Variants in KANK1 observed in about 807,000 individuals in gnomAD.
KANK1 encodes KN motif and ankyrin repeat domains 1, also known as KN motif and ankyrin repeat domain-containing protein 1.
A neutral mutation model predicts 106.2 loss-of-function variants in KANK1; 109 were observed. That is an observed-to-expected ratio of 1.03 (90% CI 0.88 to 1.20). KANK1 has a LOEUF of 1.20. Among genes scored for constraint, KANK1 ranks in the 50% most tolerant of loss-of-function variants. The pLI is 0.00. For missense variants in KANK1, 2,399 were observed against 1,710.7 expected (o/e 1.40, Z -7.10); for synonymous variants, 873 against 652.2 (o/e 1.34, Z -5.16).
At chr9:652,266 A>G (rs1350370128) in intron 1 of KANK1, among the ~76,000 whole-genome samples, 1 of 152,170 alleles carries the variant, frequency 6.6e-6, no homozygotes, top group Non-Finnish European at 1.5e-5. Context: ...TACTCCTGTA[A>G]TCCCAGCACT....
chr9:509,427 T>C lies in KANK1; in HGVS notation c.-84+4673T>C, dbSNP rs780786877. Among the ~76,000 whole-genome samples, 52 of 152,238 alleles carry C rather than the reference T, an allele frequency of 3.4e-4. 1 individual carries two copies. The highest frequency in any genetic ancestry group is 6.5e-4 in the Admixed American group (10 of 15,288). On this transcript the variant is annotated intron_variant, in intron 1 of 11. Coordinates refer to ENST00000382297, the MANE Select transcript of KANK1 (RefSeq NM_015158.5). ...TATTTACCCCATCCTAGCAGACTAA[T>C]TATTTGTTGTCTTCACTTCCAGTGC...
chr9:515,141 A>G (rs1163468292), intron 1 of KANK1, among the ~76,000 whole-genome samples: 1 of 151,672 alleles, frequency 6.6e-6, no homozygotes, highest in Non-Finnish European at 1.5e-5. Context: ...CAGGAGATCA[A>G]GACCATCCTG....
intron 1 of KANK1, among the ~76,000 whole-genome samples, chr9:615,923 G>A (rs145093650): frequency 2.1e-4 from 32 of 152,250 alleles, no homozygotes; most frequent in Non-Finnish European, 4.1e-4. Context: ...CAAAGGTGGT[G>A]CCAGCTGATA....
At chr9:697,739 C>T (rs534627264) in intron 2 of KANK1, among the ~76,000 whole-genome samples, 11 of 152,126 alleles carry the variant, frequency 7.2e-5, no homozygotes, top group Non-Finnish European at 1.6e-4. Context: ...TTGTTACTAT[C>T]ATTAATCATA....
intron 1 of KANK1, among the ~76,000 whole-genome samples, chr9:661,300 G>T (rs1296566603): frequency 6.8e-6 from 1 of 147,592 alleles, no homozygotes; most frequent in Non-Finnish European, 1.5e-5. Context: ...ACAGGCCCCA[G>T]TGTGTGATGT....
rs936037856 is a variant in KANK1 at position 597,115 on chromosome 9, C to G, written c.-83-79775C>G. On this transcript the variant is annotated intron_variant, in intron 1 of 11. Coordinates refer to ENST00000382297, the MANE Select transcript of KANK1 (RefSeq NM_015158.5). Reference sequence around the variant, plus strand: ...TACGGATATATCATAATTTGTTTATCCATTCATCTGTTGATAGATTTTTGA... The same window carrying G: ...TACGGATATATCATAATTTGTTTATGCATTCATCTGTTGATAGATTTTTGA... Among the ~76,000 whole-genome samples, 3 of 151,916 alleles carry G rather than the reference C, an allele frequency of 2.0e-5. No homozygotes were observed. The East Asian group carries it at 5.8e-4, about 29-fold the overall frequency.
At chr9:608,658 C>G (rs937604819) in intron 1 of KANK1, among the ~76,000 whole-genome samples, 3 of 149,114 alleles carry the variant, frequency 2.0e-5, no homozygotes, top group East Asian at 1.9e-4. Flanking sequence ...GTCAGTCTGT[C>G]TTTCATCAAG....
At chr9:516,800 A>G (rs1040790236) in intron 1 of KANK1, among the ~76,000 whole-genome samples, 7 of 151,638 alleles carry the variant, frequency 4.6e-5, no homozygotes, top group Admixed American at 1.3e-4. Flanking sequence ...GCATGAAGCT[A>G]TTGATTCACT....
chr9:681,745 A>G (rs898923160), intron 2 of KANK1, among the ~76,000 whole-genome samples: 3 of 152,150 alleles, frequency 2.0e-5, no homozygotes, highest in Non-Finnish European at 2.9e-5. Flanking sequence ...GCTGGACGCC[A>G]TGATATTGGG....
intron 1 of KANK1, among the ~76,000 whole-genome samples, chr9:570,076 GTTTT>G (rs1386108163): frequency 2.0e-5 from 3 of 151,980 alleles, no homozygotes; most frequent in African/African-American, 7.2e-5. Context: ...CTTGTATTGG[GTTTT>G]TTGTTTGTTT....
chr9:536,061 G>T (rs573614120), intron 1 of KANK1, among the ~76,000 whole-genome samples: 1 of 144,598 alleles, frequency 6.9e-6, no homozygotes, highest in South Asian at 2.3e-4. Context: ...GCACGTGTGG[G>T]GCGCGGTGGC....
At chr9:542,095 A>C (rs2060638199) in intron 1 of KANK1, among the ~76,000 whole-genome samples, 1 of 152,212 alleles carries the variant, frequency 6.6e-6, no homozygotes. Flanking sequence ...TCTCAAAAAA[A>C]AAAAATGAAC....
At chr9:624,665 T>C (rs1833929382) in intron 1 of KANK1, among the ~76,000 whole-genome samples, 1 of 151,922 alleles carries the variant, frequency 6.6e-6, no homozygotes, top group Non-Finnish European at 1.5e-5. Flanking sequence ...TAGTCGGGCG[T>C]AGTCATTCCT....
At chr9:741,850 C>T (rs1254164481) in intron 9 of KANK1, among the ~76,000 whole-genome samples, 2 of 151,188 alleles carry the variant, frequency 1.3e-5, no homozygotes, top group Non-Finnish European at 3.0e-5. Flanking sequence ...AACTCCTGAG[C>T]TCAGACAATC....
chr9:684,892 C>T (rs1377616995), intron 2 of KANK1, among the ~76,000 whole-genome samples: 1 of 148,200 alleles, frequency 6.7e-6, no homozygotes, highest in African/African-American at 2.6e-5. Context: ...TAAGTTCTTG[C>T]TCTTTCCTGA....
intron 1 of KANK1, among the ~76,000 whole-genome samples, chr9:593,480 T>G (rs1338579535): frequency 6.7e-6 from 1 of 149,580 alleles, no homozygotes; most frequent in African/African-American, 2.5e-5. Flanking sequence ...GCATTTTTTT[T>G]TTTGACTAAT....
chr9:539,994 G>A (rs1157430978), intron 1 of KANK1, among the ~76,000 whole-genome samples: 1 of 152,200 alleles, frequency 6.6e-6, no homozygotes. Context: ...CAGAGACAGA[G>A]TAACTTCTTG....
intron 3 of KANK1, among the ~76,000 whole-genome samples, chr9:491,010 C>A (rs111308194): frequency 0.02 from 2,717 of 132,842 alleles, 99 homozygotes; most frequent in African/African-American, 0.074. Flanking sequence ...CCTAGGCTGG[C>A]GTGCAGTGGT....
chr9:551,713 T>A lies in KANK1; in HGVS notation c.-84+46959T>A, dbSNP rs558062735. On this transcript the variant is annotated intron_variant, in intron 1 of 11. Coordinates refer to ENST00000382297, the MANE Select transcript of KANK1 (RefSeq NM_015158.5). ...GTTTAGTAGGGCAGACTGACGACAT[T>A]AAAAAGATACCATCGGTGTTGTTAT... 1.9e-4 allele frequency among the ~76,000 whole-genome samples: 29 copies of A among 151,988 alleles called. No homozygotes were observed. In the Middle Eastern group the frequency reaches 0.01, roughly 53 times the overall value.
Sources: gnomAD v4.1 joint callset for allele counts (sites outside exome capture counted in the v4.1 genomes callset) on GRCh38, gnomAD v4.1.1 for gene constraint, MANE v1.5 for transcripts, NCBI Gene and HGNC (gene_info 2026-07-23, HGNC 2026-07-21) for gene names.